Variants in SLC24A4 observed in about 807,000 individuals in gnomAD.
SLC24A4 encodes the protein sodium/potassium/calcium exchanger 4.
Under a neutral mutation model 79.0 loss-of-function variants are expected in SLC24A4, and 53 were observed. That is an observed-to-expected ratio of 0.67 (90% confidence interval 0.54 to 0.84). The LOEUF (loss-of-function observed/expected upper bound fraction) is 0.84, where lower values mean the gene tolerates loss of function less well. Ranked by LOEUF, SLC24A4 falls within the 40% of genes least tolerant of loss-of-function variation. SLC24A4 has a pLI of 0.00. For missense variants in SLC24A4, 731 were observed against 822.0 expected, an observed-to-expected ratio of 0.89 and a Z score of 1.35; for synonymous variants, 323 against 323.8, an observed-to-expected ratio of 1.00 and a Z score of 0.03.
intron 2 of SLC24A4, among the ~76,000 whole-genome samples, chr14:92,424,881 C>CAAAAAAACAAA (rs1478250040): frequency 2.5e-5 from 2 of 78,832 alleles, no homozygotes; most frequent in Non-Finnish European, 5.9e-5. Flanking sequence ...GACTCCGTCT[C>CAAAAAAACAAA]AAAAAAACAA....
At chr14:92,423,410 G>C (rs1891395642) in intron 2 of SLC24A4, among the ~76,000 whole-genome samples, 1 of 152,184 alleles carries the variant, frequency 6.6e-6, no homozygotes, top group Admixed American at 6.5e-5. Flanking sequence ...CTTTCAAAGT[G>C]CGGCCTCCTA....
chr14:92,369,521 A>G (rs1409310005), intron 2 of SLC24A4, among the ~76,000 whole-genome samples: 1 of 152,254 alleles, frequency 6.6e-6, no homozygotes, highest in Non-Finnish European at 1.5e-5. Flanking sequence ...TGTAATGGTT[A>G]GATCCAGAAC....
intron 8 of SLC24A4, among the ~76,000 whole-genome samples, chr14:92,446,326 T>C (rs773563048): frequency 6.6e-6 from 1 of 152,120 alleles, no homozygotes; most frequent in Non-Finnish European, 1.5e-5. Flanking sequence ...TTTTAATTTT[T>C]TGTAGAGATG....
In SLC24A4 at chr14:92,455,218, T is replaced by G. The variant is rs565056004; in HGVS notation, c.1050+1149T>G. On this transcript the variant is annotated intron_variant, in intron 11 of 16. Coordinates refer to ENST00000532405, the MANE Select transcript of SLC24A4 (RefSeq NM_153646.4). ...ATCTCACATCAGCCGCTAGCCCACTTAATGTGAGGGTATTGAACAGGATGC... is the reference window on the plus strand; with the variant it reads ...ATCTCACATCAGCCGCTAGCCCACTGAATGTGAGGGTATTGAACAGGATGC... 4.1e-4 allele frequency among the ~76,000 whole-genome samples: 63 copies of G among 152,280 alleles called. No homozygotes were observed. The South Asian group carries it at 6.6e-3, about 16-fold the overall frequency.
At chr14:92,486,837 C>A in intron 14 of SLC24A4, 57 bp downstream of exon 14, 1 of 1,287,688 alleles carries the variant, frequency 7.8e-7, no homozygotes, top group Non-Finnish European at 1.1e-6. Flanking sequence ...GTGTCCTCGT[C>A]CCTGCCTGAC....
chr14:92,439,596 C>T (rs369400604), intron 4 of SLC24A4, among the ~76,000 whole-genome samples, 187 bp downstream of exon 4: 1 of 152,262 alleles, frequency 6.6e-6, no homozygotes, highest in Non-Finnish European at 1.5e-5. Context: ...TGGTGGATGG[C>T]AGCCTCTCCC....
intron 2 of SLC24A4, among the ~76,000 whole-genome samples, chr14:92,405,350 A>T (rs748491992): frequency 8.5e-5 from 13 of 152,330 alleles, no homozygotes; most frequent in Middle Eastern, 3.4e-3. Context: ...ATCAAGTAGA[A>T]ACTCTTCCAT....
At chr14:92,479,737 T>C (rs190361675) in intron 12 of SLC24A4, among the ~76,000 whole-genome samples, 102 of 152,370 alleles carry the variant, frequency 6.7e-4, no homozygotes, top group Non-Finnish European at 9.0e-4. Flanking sequence ...AATTGGGAAG[T>C]GCTCCCTACT....
rs536242118 is a variant in SLC24A4, at chr14:92,347,292, T to C, written c.241+21314T>C. On this transcript the variant is annotated intron_variant, in intron 2 of 16. Coordinates refer to ENST00000532405, the MANE Select transcript of SLC24A4 (RefSeq NM_153646.4). ...CACTTTGTACTAGGATGTGCTGAAC[T>C]TTTCAAGGAGCCAAAGGCATTAGGA... is the stretch of plus-strand genomic sequence containing the variant. Among the ~76,000 whole-genome samples, 15 of 152,286 alleles carry C rather than the reference T, an allele frequency of 9.8e-5. No homozygotes were observed. In the South Asian group the frequency reaches 3.1e-3, roughly 32 times the overall value.
intron 10 of SLC24A4, 96 bp from the exon 11 acceptor site, chr14:92,453,804 T>G: frequency 7.2e-7 from 1 of 1,390,642 alleles, no homozygotes; most frequent in Non-Finnish European, 9.6e-7. Context: ...GACCACAGCC[T>G]AGGGCAGCTC....
intron 2 of SLC24A4, among the ~76,000 whole-genome samples, chr14:92,426,545 C>T (rs1891575541): frequency 6.6e-6 from 1 of 152,148 alleles, no homozygotes; most frequent in South Asian, 2.1e-4. Context: ...GGCATATTTT[C>T]TTTTTCATGG....
intron 2 of SLC24A4, among the ~76,000 whole-genome samples, chr14:92,382,756 A>G (rs1005740578): frequency 1.3e-5 from 2 of 152,224 alleles, no homozygotes; most frequent in Non-Finnish European, 2.9e-5. Flanking sequence ...AATCCATCCT[A>G]GAGAAATTCT....
At chr14:92,388,517 T>C (rs768159094) in intron 2 of SLC24A4, among the ~76,000 whole-genome samples, 5 of 152,252 alleles carry the variant, frequency 3.3e-5, no homozygotes, top group Non-Finnish European at 7.3e-5. Flanking sequence ...GACAGCCTCC[T>C]TGGGTCTGGA....
chr14:92,447,985 C>T (rs879735375), intron 9 of SLC24A4, among the ~76,000 whole-genome samples: 3 of 152,062 alleles, frequency 2.0e-5, no homozygotes, highest in Non-Finnish European at 4.4e-5. Flanking sequence ...TACTATGCAG[C>T]CAGAAAAAGG....
chr14:92,492,220 C>T lies in SLC24A4; in HGVS notation c.1696C>T (p.Leu566=). 1 of 1,614,170 alleles carries T rather than the reference C, an allele frequency of 6.2e-7. No homozygotes were observed. Among genetic ancestry groups the T allele is most frequent in the Non-Finnish European group, 8.5e-7 (1 of 1,180,016 alleles). Reference sequence around the variant, plus strand: ...GCTGGTCTATTCCGTGGTCCTGTTGCTGGGCTCTGTCGCTCTCACCGTGAG... The same window carrying T: ...GCTGGTCTATTCCGTGGTCCTGTTGTTGGGCTCTGTCGCTCTCACCGTGAG... ...RGLVYSVVLL[L]GSVALTVLGI... is the part of the protein sequence containing the mutation. Residue 566 remains leucine (L), a synonymous_variant, in exon 16 of 17, where the codon CTG becomes TTG. Transcript: ENST00000532405.
At chr14:92,435,849 C>G (rs991241731) in intron 3 of SLC24A4, among the ~76,000 whole-genome samples, 1 of 152,220 alleles carries the variant, frequency 6.6e-6, no homozygotes, top group Non-Finnish European at 1.5e-5. Context: ...TGGCTTTACA[C>G]TCCTCCCCTT....
intron 2 of SLC24A4, among the ~76,000 whole-genome samples, chr14:92,333,322 T>C (rs557718384): frequency 1.4e-4 from 21 of 152,266 alleles, no homozygotes; most frequent in African/African-American, 4.3e-4. Context: ...CTCGAACTCC[T>C]GGCCTCAAGC....
At chr14:92,489,162 G>T (rs1291313501) in intron 14 of SLC24A4, among the ~76,000 whole-genome samples, 2 of 152,070 alleles carry the variant, frequency 1.3e-5, no homozygotes, top group African/African-American at 2.4e-5. Flanking sequence ...TCCTGGCTGG[G>T]CGCGGTGGGT....
chr14:92,478,247 G>A (rs1452621623), intron 12 of SLC24A4, among the ~76,000 whole-genome samples: 2 of 152,182 alleles, frequency 1.3e-5, no homozygotes, highest in African/African-American at 4.8e-5. Flanking sequence ...ATAAAGAGTT[G>A]TGCTCATGTT....
Sources: allele counts gnomAD v4.1 joint callset (sites outside exome capture counted in the v4.1 genomes callset), GRCh38; gene constraint gnomAD v4.1.1; transcripts MANE v1.5; gene names NCBI Gene and HGNC (gene_info 2026-07-23, HGNC 2026-07-21).